DLG2: variants seen among roughly 807,000 people sequenced by gnomAD.
The protein encoded by DLG2 is discs large MAGUK scaffold protein 2, also known as disks large homolog 2.
Under a neutral mutation model 132.5 loss-of-function variants are expected in DLG2, and 45 were observed. That is an observed-to-expected ratio of 0.34 (90% CI 0.27 to 0.44). The LOEUF (loss-of-function observed/expected upper bound fraction) is 0.44. Among genes scored for constraint, DLG2 ranks in the 20% least tolerant of loss-of-function variants. The pLI, the probability that DLG2 is intolerant of heterozygous loss-of-function variation, is 1.00. For missense variants in DLG2, 1,045 were observed against 1,196.9 expected, an observed-to-expected ratio of 0.87 and a Z score of 1.87; for synonymous variants, 424 against 419.6, an observed-to-expected ratio of 1.01 and a Z score of -0.13.
chr11:84,246,323 T>C (rs1446026364), intron 8 of DLG2, among the ~76,000 whole-genome samples: 1 of 152,254 alleles, frequency 6.6e-6, no homozygotes, highest in Non-Finnish European at 1.5e-5. Flanking sequence ...TTTCTTTGTT[T>C]AGGGTATCTG....
intron 3 of DLG2, among the ~76,000 whole-genome samples, chr11:85,570,368 AT>A (rs2153225395): frequency 6.6e-6 from 1 of 152,230 alleles, no homozygotes; most frequent in East Asian, 1.9e-4. Context: ...TTCTGCTGTT[AT>A]TGGTGGATTG....
At chr11:83,532,254 G>T (rs144422269) in intron 21 of DLG2, among the ~76,000 whole-genome samples, 110 of 152,086 alleles carry the variant, frequency 7.2e-4, no homozygotes, top group African/African-American at 2.6e-3. Flanking sequence ...TCTCTTCTAT[G>T]TCTGTCACAA....
chr11:84,402,389 G>A (rs755150918), intron 7 of DLG2, among the ~76,000 whole-genome samples: 1 of 152,044 alleles, frequency 6.6e-6, no homozygotes, highest in Non-Finnish European at 1.5e-5. Flanking sequence ...AGGTTTGATG[G>A]GAAATTTAAG....
chr11:84,986,079 G>C (rs2056450892), intron 6 of DLG2, among the ~76,000 whole-genome samples: 1 of 141,422 alleles, frequency 7.1e-6, no homozygotes, highest in South Asian at 2.4e-4. Flanking sequence ...GAAAAGAAGA[G>C]ATAAAAATCC....
chr11:84,694,745 T>G (rs888700036), intron 6 of DLG2, among the ~76,000 whole-genome samples: 2 of 151,582 alleles, frequency 1.3e-5, no homozygotes, highest in Non-Finnish European at 3.0e-5. Flanking sequence ...CAGATCCTCT[T>G]CTTTTTCTAT....
At chr11:84,612,016 A>G (rs1335874452) in intron 6 of DLG2, among the ~76,000 whole-genome samples, 2 of 152,192 alleles carry the variant, frequency 1.3e-5, no homozygotes, top group African/African-American at 4.8e-5. Flanking sequence ...CCATGCCAAC[A>G]TCTATGAAAC....
intron 19 of DLG2, among the ~76,000 whole-genome samples, chr11:83,611,140 G>C (rs1350699685): frequency 6.6e-6 from 1 of 152,192 alleles, no homozygotes; most frequent in East Asian, 1.9e-4. Flanking sequence ...TTGCAGGCTG[G>C]AGTGAATCAC....
chr11:85,336,798 C>T (rs2082164071), intron 3 of DLG2, among the ~76,000 whole-genome samples: 5 of 152,164 alleles, frequency 3.3e-5, no homozygotes, highest in Admixed American at 3.3e-4. Flanking sequence ...GTCTTATGAC[C>T]ACTTTCACTT....
chr11:84,747,812 A>C (rs1390724656), intron 6 of DLG2, among the ~76,000 whole-genome samples: 2 of 152,200 alleles, frequency 1.3e-5, no homozygotes, highest in Non-Finnish European at 2.9e-5. Context: ...TCTTGTCATC[A>C]AAAGGTTTTT....
chr11:84,994,729 G>T (rs772046867), intron 6 of DLG2, among the ~76,000 whole-genome samples: 1 of 152,164 alleles, frequency 6.6e-6, no homozygotes, highest in Non-Finnish European at 1.5e-5. Context: ...AGGGGAGAGA[G>T]GAGAGCATTT....
chr11:85,531,306 G>C (rs147293937), intron 3 of DLG2, among the ~76,000 whole-genome samples: 111 of 152,284 alleles, frequency 7.3e-4, no homozygotes, highest in African/African-American at 2.6e-3. Flanking sequence ...ATCATCACCA[G>C]ATGTTAGTAC....
rs1027449087 is a variant in DLG2, at chr11:85,412,161, G to A, written c.41-126796C>T. On this transcript the variant is annotated intron_variant, in intron 3 of 27. Transcript: ENST00000376104. Reference sequence around the variant, plus strand: ...TTTTAGAGTTAGGAATAAGCATATGGCCTAAGTCGGCTCAATAAGACTGAA... The same window carrying A: ...TTTTAGAGTTAGGAATAAGCATATGACCTAAGTCGGCTCAATAAGACTGAA... Among the ~76,000 whole-genome samples, 5 of 151,788 alleles carry A rather than the reference G, an allele frequency of 3.3e-5. 1 individual carries two copies. Among genetic ancestry groups the A allele is most frequent in the Non-Finnish European group, 1.5e-5 (1 of 67,842 alleles).
At chr11:84,101,286 C>T (rs1006516628) in intron 9 of DLG2, among the ~76,000 whole-genome samples, 1 of 151,968 alleles carries the variant, frequency 6.6e-6, no homozygotes, top group African/African-American at 2.4e-5. Context: ...AAAGGGTATG[C>T]CACACCCAAG....
intron 3 of DLG2, among the ~76,000 whole-genome samples, chr11:85,490,038 ATTAGCCAGGTGCAGTGGTATGT>A (rs2093520963): frequency 6.6e-6 from 1 of 152,134 alleles, no homozygotes; most frequent in South Asian, 2.1e-4. Context: ...AAACTTAAAA[ATTAGCCAGGTGCAGTGGTATGT>A]ACCTGTAGTC....
chr11:84,885,740 A>G (rs967167939), intron 6 of DLG2, among the ~76,000 whole-genome samples: 1 of 152,126 alleles, frequency 6.6e-6, no homozygotes, highest in Non-Finnish European at 1.5e-5. Flanking sequence ...GCTATAAGCA[A>G]TGAAAACCAG....
At chr11:85,431,281 G>A (rs893936588) in intron 3 of DLG2, among the ~76,000 whole-genome samples, 2 of 152,158 alleles carry the variant, frequency 1.3e-5, no homozygotes, top group Admixed American at 6.5e-5. Flanking sequence ...GAAGACCAGT[G>A]TGGTGCAGTG....
intron 11 of DLG2, among the ~76,000 whole-genome samples, chr11:84,012,369 C>A (rs1027123124): frequency 6.6e-6 from 1 of 152,120 alleles, no homozygotes; most frequent in Non-Finnish European, 1.5e-5. Flanking sequence ...GGGAGTCAAG[C>A]TACTCTTGAC....
chr11:85,621,067 C>T (rs907971194), intron 2 of DLG2, among the ~76,000 whole-genome samples: 3 of 152,146 alleles, frequency 2.0e-5, no homozygotes, highest in African/African-American at 7.2e-5. Context: ...CTCATTTACC[C>T]TTCCAAAAAT....
At chr11:84,672,317 T>C (rs1254037470) in intron 6 of DLG2, among the ~76,000 whole-genome samples, 1 of 152,042 alleles carries the variant, frequency 6.6e-6, no homozygotes, top group African/African-American at 2.4e-5. Flanking sequence ...ACATGACATA[T>C]CTATGTATTG....
Sources: allele counts gnomAD v4.1 joint callset (sites outside exome capture counted in the v4.1 genomes callset), GRCh38; gene constraint gnomAD v4.1.1; transcripts MANE v1.5; gene names NCBI Gene and HGNC (gene_info 2026-07-23, HGNC 2026-07-21).